Variants in ROBO2 observed in about 807,000 individuals in gnomAD.
The protein encoded by ROBO2 is roundabout homolog 2.
In ROBO2, 53 loss-of-function variants were observed where a neutral mutation model predicts 160.8. The observed-to-expected ratio is 0.33, with a 90% confidence interval of 0.26 to 0.41. The LOEUF (loss-of-function observed/expected upper bound fraction) is 0.41, where lower values mean the gene tolerates loss of function less well. Among genes scored for constraint, ROBO2 ranks in the 10% least tolerant of loss-of-function variants. The pLI, the probability that ROBO2 is intolerant of heterozygous loss-of-function variation, is 1.00. For synonymous variants in ROBO2, 664 were observed against 611.7 expected (o/e 1.09, Z -1.26); for missense variants, 1,577 against 1,722.4 (o/e 0.92, Z 1.49).
At chr3:77,564,836 T>G (rs367959412) in intron 11 of ROBO2, 118 bp from the exon 13 acceptor site, 12 of 786,056 alleles carry the variant, frequency 1.5e-5, no homozygotes, top group South Asian at 3.1e-5. Flanking sequence ...ACTTCAAGTG[T>G]TGTGTGTGTG....
intron 2 of ROBO2, among the ~76,000 whole-genome samples, chr3:76,324,794 C>G (rs1004693191): frequency 2.0e-5 from 3 of 152,146 alleles, no homozygotes; most frequent in Non-Finnish European, 2.9e-5. Context: ...CTAATATAAT[C>G]TGAGAATGTG....
At chr3:76,717,922 A>C (rs189073889) in intron 2 of ROBO2, among the ~76,000 whole-genome samples, 1 of 152,354 alleles carries the variant, frequency 6.6e-6, no homozygotes, top group Non-Finnish European at 1.5e-5. Context: ...ACTAATAAAA[A>C]TACTTTGCAG....
At chr3:77,126,945 C>T (rs574315962) in intron 2 of ROBO2, among the ~76,000 whole-genome samples, 257 of 151,608 alleles carry the variant, frequency 1.7e-3, no homozygotes, top group Non-Finnish European at 3.3e-3. Flanking sequence ...CCCGCCACCA[C>T]GCCCGGCTAA....
At chr3:77,220,412 T>TA (rs1271868530) in intron 2 of ROBO2, among the ~76,000 whole-genome samples, 1 of 152,142 alleles carries the variant, frequency 6.6e-6, no homozygotes, top group Non-Finnish European at 1.5e-5. Flanking sequence ...TAAGAGTAGG[T>TA]AAAAAATTGA....
At chr3:76,115,493 C>A (rs1231823296) in intron 2 of ROBO2, among the ~76,000 whole-genome samples, 1 of 151,986 alleles carries the variant, frequency 6.6e-6, no homozygotes, top group Non-Finnish European at 1.5e-5. Flanking sequence ...GTTGGGAAAT[C>A]CATGCTTTCA....
chr3:76,163,487 A>G (rs1380781356), intron 2 of ROBO2, among the ~76,000 whole-genome samples: 1 of 149,336 alleles, frequency 6.7e-6, no homozygotes, highest in Non-Finnish European at 1.5e-5. Context: ...TATATACAAT[A>G]TATAACTGTG....
intron 2 of ROBO2, among the ~76,000 whole-genome samples, chr3:76,349,059 A>G (rs552073743): frequency 7.9e-5 from 12 of 152,084 alleles, no homozygotes; most frequent in Non-Finnish European, 1.5e-4. Context: ...TGGTAATCTT[A>G]CTGTTTAAGA....
chr3:77,372,863 T>C (rs1281793136), intron 2 of ROBO2, among the ~76,000 whole-genome samples: 1 of 151,954 alleles, frequency 6.6e-6, no homozygotes, highest in Non-Finnish European at 1.5e-5. Flanking sequence ...CTTCTCTTTT[T>C]CATGAATAAT....
At chr3:77,286,507 T>C (rs2153380015) in intron 2 of ROBO2, among the ~76,000 whole-genome samples, 1 of 152,136 alleles carries the variant, frequency 6.6e-6, no homozygotes, top group East Asian at 1.9e-4. Context: ...CCGACCGCCT[T>C]GGCCTCCCAA....
intron 2 of ROBO2, among the ~76,000 whole-genome samples, chr3:76,448,669 C>T (rs1032562549): frequency 6.6e-6 from 1 of 152,106 alleles, no homozygotes; most frequent in Admixed American, 6.6e-5. Flanking sequence ...TTAAGAAGTA[C>T]ATAAAATTCT....
At chr3:76,965,328 A>G (rs2079985721) in intron 2 of ROBO2, among the ~76,000 whole-genome samples, 1 of 152,126 alleles carries the variant, frequency 6.6e-6, no homozygotes, top group Admixed American at 6.5e-5. Flanking sequence ...GAACTGAAAT[A>G]GGAATGTGGA....
intron 2 of ROBO2, among the ~76,000 whole-genome samples, chr3:77,406,749 C>T (rs974594408): frequency 2.0e-5 from 3 of 151,680 alleles, no homozygotes; most frequent in African/African-American, 7.3e-5. Flanking sequence ...CCTTTTTGTC[C>T]CCACTTCATG....
chr3:76,201,367 T>C (rs1297184364), intron 2 of ROBO2, among the ~76,000 whole-genome samples: 3 of 152,180 alleles, frequency 2.0e-5, no homozygotes, highest in African/African-American at 7.2e-5. Context: ...CCGTCATGCA[T>C]TGAACTCCAT....
intron 2 of ROBO2, among the ~76,000 whole-genome samples, chr3:76,371,102 G>A (rs1156785974): frequency 1.3e-5 from 2 of 151,942 alleles, no homozygotes; most frequent in Non-Finnish European, 2.9e-5. Flanking sequence ...ATCCAAGTAT[G>A]TGAGTGTGTG....
intron 2 of ROBO2, among the ~76,000 whole-genome samples, chr3:77,475,796 A>G (rs1034660348): frequency 5.3e-5 from 8 of 152,220 alleles, no homozygotes; most frequent in Non-Finnish European, 1.2e-4. Flanking sequence ...CATCAGTTGC[A>G]TGAATGTCAC....
rs529697761 is a variant in ROBO2, at chr3:76,690,920, A to G, written c.110-407094A>G. Among the ~76,000 whole-genome samples the G allele has an allele frequency of 3.3e-5, 5 of 152,210 alleles. No individual in the cohort carries two copies. In the East Asian group the frequency reaches 7.7e-4, roughly 24 times the overall value. On this transcript the variant is annotated intron_variant, in intron 2 of 26. Transcript: ENST00000487694. ...ATTTAATTGACACTGTGACAATATT[A>G]ACAGGTGGGTCCTCTGGAGCCTGGC... is the stretch of plus-strand genomic sequence containing the variant.
intron 2 of ROBO2, among the ~76,000 whole-genome samples, chr3:77,261,351 C>T (rs1229022201): frequency 6.6e-6 from 1 of 152,106 alleles, no homozygotes. Flanking sequence ...GTGATATTCT[C>T]TCCAAAGACA....
chr3:76,567,632 TATATATATATATATATATATAC>T lies in ROBO2; in HGVS notation c.110-530380_110-530359del, dbSNP rs1341301203. ...ATACCAAACTACTGATATATATATA[TATATATATATATATATATATAC>T]ACATACACATATATATACATATATA... On this transcript the variant is annotated intron_variant, in intron 2 of 26. Coordinates refer to the ROBO2 transcript ENST00000487694. Among the ~76,000 whole-genome samples the T allele has an allele frequency of 1.1e-4, 9 of 79,092 alleles. 1 individual carries two copies. The highest frequency in any genetic ancestry group is 4.1e-4 in the Admixed American group (3 of 7,270). 51.9% of individuals were successfully genotyped at this position (79,092 alleles called of 152,430 possible).
chr3:77,499,479 T>C lies in ROBO2; in HGVS notation c.806+6097T>C, dbSNP rs549697623. 2.5e-3 allele frequency among the ~76,000 whole-genome samples: 384 copies of C among 152,188 alleles called. 3 individuals are homozygous for C. Among genetic ancestry groups the C allele is most frequent in the African/African-American group, 8.9e-3 (369 of 41,522 alleles). ...ATACATGGTGCCTCAGTTTTACAAATCCACCTGATTGGTGGCATTTATTAA... is the reference window on the plus strand; with the variant it reads ...ATACATGGTGCCTCAGTTTTACAAACCCACCTGATTGGTGGCATTTATTAA... On this transcript the variant is annotated intron_variant, in intron 5 of 25. Coordinates refer to ENST00000461745, the Ensembl canonical transcript of ROBO2.
Sources: allele counts gnomAD v4.1 joint callset (sites outside exome capture counted in the v4.1 genomes callset), GRCh38; gene constraint gnomAD v4.1.1; transcripts MANE v1.5; gene names NCBI Gene and HGNC (gene_info 2026-07-23, HGNC 2026-07-21).